VEGFC: variants seen among roughly 807,000 people sequenced by gnomAD.
VEGFC encodes the protein vascular endothelial growth factor C, also known as FLT4 ligand DHM.
Under a neutral mutation model 46.1 loss-of-function variants are expected in VEGFC, and 12 were observed. The ratio of observed to expected loss-of-function variants is 0.26; its 90% CI spans 0.17 to 0.42. VEGFC has a LOEUF of 0.42. Among genes scored for constraint, VEGFC ranks in the 10% least tolerant of loss-of-function variants. The pLI is 1.00. For missense variants in VEGFC, 488 were observed against 529.4 expected (o/e 0.92, Z 0.77); for synonymous variants, 232 against 195.5 (o/e 1.19, Z -1.56).
intron 1 of VEGFC, among the ~76,000 whole-genome samples, chr4:176,760,758 C>G (rs1041010482): frequency 6.6e-6 from 1 of 152,114 alleles, no homozygotes; most frequent in Non-Finnish European, 1.5e-5. Flanking sequence ...TATTTATTCC[C>G]CTCAAATACT....
At chr4:176,688,529 C>T (rs1445970173) in intron 4 of VEGFC, among the ~76,000 whole-genome samples, 2 of 152,090 alleles carry the variant, frequency 1.3e-5, no homozygotes, top group Non-Finnish European at 2.9e-5. Flanking sequence ...CTGTACTCCC[C>T]CAAAAAGTTA....
rs1734618470 is a variant in VEGFC at position 176,711,504 on chromosome 4, T to C, written c.699A>G (p.Leu233=). ...SIIRRSLPAT[L]PQCQAANKTC... is the part of the protein sequence containing the mutation. ...TAGATTTAATTCATACTCACTGTGG[T>C]AGTGTTGCTGGCAGGGAACGTCTAA... Residue 233 remains leucine, a synonymous_variant, in exon 4 of 7, where the codon CTA becomes CTG. Transcript: ENST00000618562. 6.2e-7 allele frequency: 1 copy of C among 1,612,018 alleles called. No individual in the cohort carries two copies. Among genetic ancestry groups the C allele is most frequent in the African/African-American group, 1.3e-5 (1 of 74,858 alleles).
At position 176,687,309 on chromosome 4, in the gene VEGFC, A is replaced by G; in HGVS notation, c.1023T>C (p.Cys341=). 6.2e-7 allele frequency: 1 copy of G among 1,613,798 alleles called. No individual in the cohort carries two copies. Among genetic ancestry groups the G allele is most frequent in the Non-Finnish European group, 8.5e-7 (1 of 1,179,934 alleles). The stretch of plus-strand genomic sequence containing the variant: ...TTCTGGGGCAGGTTCTTTTACATAC[A>G]CACTGGCATGTGTTTTCATCAAATT... ...NREFDENTCQ[C]VCKRTCPRNQ... The change falls in exon 6 of 7, where the codon TGT becomes TGC. Residue 341 remains cysteine, a synonymous_variant. Coordinates refer to ENST00000618562, the MANE Select transcript of VEGFC (RefSeq NM_005429.5).
rs2110963259 is a variant in VEGFC at position 176,687,461 on chromosome 4, A to G, written c.871T>C (p.Cys291Arg). The change falls in exon 6 of 7, where the codon TGT becomes CGT. Residue 291 changes from cysteine to arginine, a missense_variant. Physicochemically the swap from Cys to Arg is radical, Grantham distance 180. Coordinates refer to ENST00000618562, the MANE Select transcript of VEGFC (RefSeq NM_005429.5). Reference sequence around the variant, plus strand: ...AGCCCCGCTCTGCAGACACACTGACAGGTCTCTTCATCCAGCTCCTTGTTT... The same window carrying G: ...AGCCCCGCTCTGCAGACACACTGACGGGTCTCTTCATCCAGCTCCTTGTTT... ...GPNKELDEET[C>R]QCVCRAGLRP... The G allele has an allele frequency of 1.9e-6, 3 of 1,613,946 alleles. No homozygotes were observed. The highest frequency in any genetic ancestry group is 1.3e-5 in the African/African-American group (1 of 75,028).
chr4:176,698,661 C>G (rs1287624198), intron 4 of VEGFC, among the ~76,000 whole-genome samples: 1 of 152,020 alleles, frequency 6.6e-6, no homozygotes, highest in African/African-American at 2.4e-5. Flanking sequence ...CGTTAGGTCT[C>G]CAGAGCATAT....
intron 1 of VEGFC, among the ~76,000 whole-genome samples, chr4:176,749,460 T>C (rs1468321466): frequency 6.6e-6 from 1 of 151,866 alleles, no homozygotes; most frequent in Non-Finnish European, 1.5e-5. Flanking sequence ...TTTAGCACAC[T>C]ATAAAATGTG....
rs1002069509 is a variant in VEGFC, at chr4:176,792,363, G to A, written c.-52C>T. 9.5e-6 allele frequency: 13 copies of A among 1,363,698 alleles called. No individual in the cohort carries two copies. Among genetic ancestry groups the A allele is most frequent in the Non-Finnish European group, 1.1e-5 (12 of 1,049,056 alleles). The allele number at this position is 1,363,698 out of a possible 1,614,324, so 84.5% of individuals were successfully genotyped here. On this transcript the variant is annotated 5_prime_UTR_variant, in exon 1 of 7. Transcript: ENST00000618562. This position sits in a 1 kb window ranked among gnomAD's most constrained non-coding sequence, Gnocchi z 6.3. ...GGTCCGCTGGCGGGGGCAGGGGTGG[G>A]GGCGCGGGCGCCCCTGCGAGGCCGC...
At chr4:176,782,624 T>C (rs1273901952) in intron 1 of VEGFC, among the ~76,000 whole-genome samples, 1 of 152,172 alleles carries the variant, frequency 6.6e-6, no homozygotes, top group African/African-American at 2.4e-5. Flanking sequence ...TTCATTTTAT[T>C]ATATGCTTAC....
At chr4:176,770,848 C>G (rs961280414) in intron 1 of VEGFC, among the ~76,000 whole-genome samples, 3 of 152,090 alleles carry the variant, frequency 2.0e-5, no homozygotes, top group Non-Finnish European at 4.4e-5. Context: ...CTCCACTCCT[C>G]TCTTCCATCC....
chr4:176,712,052 G>A (rs373053459), intron 3 of VEGFC, among the ~76,000 whole-genome samples: 26 of 152,070 alleles, frequency 1.7e-4, no homozygotes, highest in African/African-American at 5.8e-4. Flanking sequence ...TTGTGATTTA[G>A]GAGCAAAGCT....
chr4:176,783,391 G>A (rs1560966446), intron 1 of VEGFC, among the ~76,000 whole-genome samples: 1 of 152,106 alleles, frequency 6.6e-6, no homozygotes, highest in Non-Finnish European at 1.5e-5. Context: ...TGATTTCATT[G>A]TAAATTTAGA....
chr4:176,739,089 CA>C (rs1011144623), intron 1 of VEGFC, among the ~76,000 whole-genome samples: 6 of 151,660 alleles, frequency 4.0e-5, no homozygotes, highest in Non-Finnish European at 7.4e-5. Context: ...AATGCAAAAT[CA>C]AAACCACAAT....
intron 3 of VEGFC, among the ~76,000 whole-genome samples, chr4:176,721,263 TAAC>T (rs1205848036): frequency 5.3e-5 from 8 of 152,156 alleles, no homozygotes; most frequent in South Asian, 2.1e-4. Flanking sequence ...TTCAAAACAC[TAAC>T]AACTTAGAAC....
intron 1 of VEGFC, among the ~76,000 whole-genome samples, chr4:176,758,540 T>C (rs557959849): frequency 4.3e-4 from 66 of 152,248 alleles, no homozygotes; most frequent in African/African-American, 1.4e-3. Flanking sequence ...GAATTAAATG[T>C]GGTTATCAAT....
intron 3 of VEGFC, among the ~76,000 whole-genome samples, chr4:176,713,807 C>G (rs1373209810): frequency 6.6e-6 from 1 of 152,084 alleles, no homozygotes; most frequent in Non-Finnish European, 1.5e-5. Context: ...GATGGAGCAT[C>G]AGGAGGGGAG....
rs767851455 is a variant in VEGFC at position 176,727,955 on chromosome 4, C to T, written c.375G>A (p.Glu125=). 23 of 1,608,842 alleles carry T rather than the reference C, an allele frequency of 1.4e-5. No individual in the cohort carries two copies. In the Admixed American group the frequency reaches 3.7e-4, roughly 26 times the overall value. Residue 125 remains glutamate, a synonymous_variant, in exon 3 of 7, where the codon GAG becomes GAA. Transcript: ENST00000618562. ...NTEILKSIDN[E]WRKTQCMPRE... The stretch of plus-strand genomic sequence containing the variant: ...GTGGCATGCATTGAGTCTTTCTCCA[C>T]TCATTATCAATACCTGTCAAGTCAT...
chr4:176,720,416 AC>A (rs1291511509), intron 3 of VEGFC, among the ~76,000 whole-genome samples: 4 of 151,978 alleles, frequency 2.6e-5, no homozygotes, highest in African/African-American at 4.8e-5. Flanking sequence ...TTGACCTTTG[AC>A]CCCAAATTTG....
intron 6 of VEGFC, among the ~76,000 whole-genome samples, chr4:176,686,030 T>C (rs1395772613): frequency 6.6e-6 from 1 of 152,208 alleles, no homozygotes; most frequent in African/African-American, 2.4e-5. Flanking sequence ...AGCTTTTTTC[T>C]GTTAAAAAGA....
chr4:176,708,464 T>C (rs540635828), intron 4 of VEGFC, among the ~76,000 whole-genome samples: 1 of 152,254 alleles, frequency 6.6e-6, no homozygotes, highest in South Asian at 2.1e-4. Context: ...AGACAGAGTA[T>C]ATTTGTTACA....
Sources: gnomAD v4.1 joint callset for allele counts (sites outside exome capture counted in the v4.1 genomes callset) on GRCh38, gnomAD v4.1.1 for gene constraint, Gnocchi (gnomAD v3.1) non-coding constraint, MANE v1.5 for transcripts, NCBI Gene and HGNC (gene_info 2026-07-23, HGNC 2026-07-21) for gene names.